The following CLEC2D variants were observed in gnomAD, a reference collection of about 807,000 sequenced individuals.
CLEC2D encodes the protein C-type lectin related f.
Under a neutral mutation model 20.0 loss-of-function variants are expected in CLEC2D, and 16 were observed. The ratio of observed to expected loss-of-function variants is 0.80; its 90% CI spans 0.54 to 1.22. The LOEUF (loss-of-function observed/expected upper bound fraction) is 1.22. CLEC2D is among the 50% of genes most tolerant of loss of function. The pLI is 0.00. For missense variants in CLEC2D, 207 were observed against 221.5 expected (o/e 0.93, Z 0.42); for synonymous variants, 77 against 71.1 (o/e 1.08, Z -0.42).
intron 1 of CLEC2D, among the ~76,000 whole-genome samples, chr12:9,676,616 A>T (rs151130858): frequency 5.3e-5 from 8 of 152,234 alleles, no homozygotes; most frequent in African/African-American, 1.9e-4. Context: ...CATGAGGTAT[A>T]TTGGTCCATA....
intron 2 of CLEC2D, among the ~76,000 whole-genome samples, chr12:9,681,448 C>T (rs1337907780): frequency 6.6e-6 from 1 of 152,136 alleles, no homozygotes; most frequent in African/African-American, 2.4e-5. Flanking sequence ...TCACAGGCAG[C>T]CTGTTCTTTC....
intron 1 of CLEC2D, among the ~76,000 whole-genome samples, chr12:9,675,098 T>G (rs2120898525): frequency 6.6e-6 from 1 of 152,336 alleles, no homozygotes; most frequent in South Asian, 2.1e-4. Context: ...TGCTTGTTTA[T>G]GAAAGATCAG....
In CLEC2D at chr12:9,696,132, C is replaced by A; in HGVS notation, c.*1258C>A. The A allele has an allele frequency of 1.0e-6, 1 of 957,052 alleles. No homozygotes were observed. The allele number at this position is 957,052 out of a possible 1,614,324, so 59.3% of individuals were successfully genotyped here. A position where few individuals can be genotyped will look rare whatever the true frequency, so the allele number is the denominator to read the frequency against. ...GTATAGAAAAACGTGGTTCTCTTCCCAAAGTGGAAACCAAGTTCATCAATT... is the reference window on the plus strand; with the variant it reads ...GTATAGAAAAACGTGGTTCTCTTCCAAAAGTGGAAACCAAGTTCATCAATT... On this transcript the variant is annotated 3_prime_UTR_variant, in exon 5 of 5. Coordinates refer to ENST00000290855, the MANE Select transcript of CLEC2D (RefSeq NM_013269.6).
intron 1 of CLEC2D, among the ~76,000 whole-genome samples, chr12:9,676,672 A>G (rs1865525553): frequency 6.6e-6 from 1 of 152,184 alleles, no homozygotes; most frequent in Admixed American, 6.5e-5. Flanking sequence ...CTATTAGGAT[A>G]AAGCTGGCCT....
chr12:9,695,071 C>G lies in CLEC2D; in HGVS notation c.*197C>G, dbSNP rs1388836637. ...TCATGGTGCTAATATTACCTGTTCT[C>G]CCACTGCTAATGACATACCCGAGAC... On this transcript the variant is annotated 3_prime_UTR_variant, in exon 5 of 5. Coordinates refer to ENST00000290855, the MANE Select transcript of CLEC2D (RefSeq NM_013269.6). 10 of 581,714 alleles carry G rather than the reference C, an allele frequency of 1.7e-5. No homozygotes were observed. Among genetic ancestry groups the G allele is most frequent in the Non-Finnish European group, 2.8e-5 (9 of 326,624 alleles). The allele number at this position is 581,714 out of a possible 1,614,324, so 36.0% of individuals were successfully genotyped here.
chr12:9,696,621 A>G lies in CLEC2D; in HGVS notation c.*1747A>G. 1 of 183,650 alleles carries G rather than the reference A, an allele frequency of 5.4e-6. No homozygotes were observed. Among genetic ancestry groups the G allele is most frequent in the Non-Finnish European group, 1.1e-5 (1 of 87,358 alleles). The allele number at this position is 183,650 out of a possible 1,614,324, so 11.4% of individuals were successfully genotyped here. A position where few individuals can be genotyped will look rare whatever the true frequency, so the allele number is the denominator to read the frequency against. ...GTCTCCACCTGGCCCTGCCCTTTGC[A>G]TGTGGAGATTATTACAATTCAAGGT... is the stretch of plus-strand genomic sequence containing the variant. On this transcript the variant is annotated 3_prime_UTR_variant, in exon 5 of 5. Transcript: ENST00000290855.
intron 1 of CLEC2D, among the ~76,000 whole-genome samples, chr12:9,670,164 G>C (rs557228579): frequency 6.6e-6 from 1 of 152,130 alleles, no homozygotes; most frequent in Non-Finnish European, 1.5e-5. Context: ...GCTCTTAAGA[G>C]AGAAAAGGTA....
At chr12:9,683,367 TTTAG>T (rs1280485035) in intron 2 of CLEC2D, among the ~76,000 whole-genome samples, 136 of 147,058 alleles carry the variant, frequency 9.2e-4, no homozygotes, top group Non-Finnish European at 1.2e-3. Context: ...GCAGAAGCTC[TTTAG>T]TTAAATTAGA....
chr12:9,684,426 G>C (rs1161561150), intron 2 of CLEC2D, among the ~76,000 whole-genome samples: 1 of 152,142 alleles, frequency 6.6e-6, no homozygotes, highest in South Asian at 2.1e-4. Context: ...TATTGAATAG[G>C]AGTGGTGAGA....
At chr12:9,672,248 A>G (rs776560281) in intron 1 of CLEC2D, among the ~76,000 whole-genome samples, 8 of 152,332 alleles carry the variant, frequency 5.3e-5, no homozygotes, top group African/African-American at 1.9e-4. Flanking sequence ...ACCCACTCCC[A>G]TTATAAGGAC....
intron 1 of CLEC2D, among the ~76,000 whole-genome samples, chr12:9,676,673 AAGCTGGCC>A (rs1865525601): frequency 6.6e-6 from 1 of 152,164 alleles, no homozygotes; most frequent in South Asian, 2.1e-4. Context: ...TATTAGGATA[AAGCTGGCC>A]TCATAGAATG....
intron 1 of CLEC2D, among the ~76,000 whole-genome samples, chr12:9,678,276 T>G (rs1388640179): frequency 1.3e-5 from 2 of 152,182 alleles, no homozygotes; most frequent in Non-Finnish European, 2.9e-5. Context: ...GTTTGAAATT[T>G]GTATAGCTTC....
chr12:9,676,440 G>A (rs989713000), intron 1 of CLEC2D, among the ~76,000 whole-genome samples: 5 of 152,012 alleles, frequency 3.3e-5, no homozygotes, highest in Non-Finnish European at 5.9e-5. Context: ...ATAATCAAGT[G>A]ATTTTTTTTA....
rs746747878 is a variant in CLEC2D, at chr12:9,680,975, ATTTTTC to A, written c.117_122del (p.Phe39_Phe40del). 545 of 1,607,786 alleles carry A rather than the reference ATTTTTC, an allele frequency of 3.4e-4. 1 individual carries two copies. Among genetic ancestry groups the A allele is most frequent in the South Asian group, 1.0e-3 (92 of 90,848 alleles). ...TTAAAGCTACCTTAATTTGGCGCTT[ATTTTTC>A]TTAATCATGTTTCTGACAATCATAG... is the stretch of plus-strand genomic sequence containing the variant. On this transcript the variant is annotated inframe_deletion, in exon 2 of 5. Coordinates refer to ENST00000290855, the MANE Select transcript of CLEC2D (RefSeq NM_013269.6).
In CLEC2D at chr12:9,697,713, G is replaced by A. The variant is rs763899951; in HGVS notation, c.*2839G>A. 1.5e-4 allele frequency: 13 copies of A among 84,062 alleles called. No individual in the cohort carries two copies. Among genetic ancestry groups the A allele is most frequent in the South Asian group, 9.3e-4 (3 of 3,226 alleles). The allele number at this position is 84,062 out of a possible 1,614,324, so 5.2% of individuals were successfully genotyped here. A position where few individuals can be genotyped will look rare whatever the true frequency, so the allele number is the denominator to read the frequency against. The stretch of plus-strand genomic sequence containing the variant: ...AATGTTGCATGATCTCACTTATAGT[G>A]AAACTTAAAAAAAAAACCCAAATAC... On this transcript the variant is annotated 3_prime_UTR_variant, in exon 5 of 5. Transcript: ENST00000290855.
intron 4 of CLEC2D, chr12:9,693,470 C>A (rs747213971): frequency 8.2e-5 from 15 of 182,900 alleles, no homozygotes; most frequent in African/African-American, 2.6e-4. Flanking sequence ...TGGATTCACA[C>A]AATTTCACTC....
At chr12:9,677,707 C>CTTTTTTTTTTTTTTTTTTTTTTTTTTTGT (rs36120151) in intron 1 of CLEC2D, among the ~76,000 whole-genome samples, 1 of 122,434 alleles carries the variant, frequency 8.2e-6, no homozygotes, top group African/African-American at 3.1e-5. Context: ...TTCTTTCTTT[C>CTTTTTTTTTTTTTTTTTTTTTTTTTTTGT]TTTTTTTTTT....
rs1865782569 is a variant in CLEC2D at position 9,687,927 on chromosome 12, G to T, written c.198G>T (p.Glu66Asp). ...LSAIRANCHQ[E>D]PSVCLQAACP... ...CAATAAGAGCTAACTGCCATCAAGA[G>T]CCATCAGTATGTCTTCAAGCTGCAT... The change falls in exon 3 of 5, where the codon GAG becomes GAT. Residue 66 changes from glutamate to aspartate, a missense_variant. Physicochemically the swap from Glu to Asp is conservative, Grantham distance 45. Transcript: ENST00000290855. The T allele has an allele frequency of 6.3e-7, 1 of 1,598,144 alleles. No individual in the cohort carries two copies. Among genetic ancestry groups the T allele is most frequent in the Non-Finnish European group, 8.5e-7 (1 of 1,171,776 alleles).
chr12:9,680,781 A>G (rs1865618162), intron 1 of CLEC2D, 142 bp from the exon 2 acceptor site: 1 of 509,416 alleles, frequency 2.0e-6, no homozygotes, highest in East Asian at 3.0e-5. Context: ...ATAGAATAGT[A>G]AGTTCATAAG....
Sources: allele counts gnomAD v4.1 joint callset (sites outside exome capture counted in the v4.1 genomes callset), GRCh38; gene constraint gnomAD v4.1.1; transcripts MANE v1.5; gene names NCBI Gene and HGNC (gene_info 2026-07-23, HGNC 2026-07-21).